ANKS1B: variants seen among roughly 807,000 people sequenced by gnomAD.
ANKS1B encodes the protein ankyrin repeat and sterile alpha motif domain containing 1B.
A neutral mutation model predicts 148.3 loss-of-function variants in ANKS1B; 36 were observed. The ratio of observed to expected loss-of-function variants is 0.24; its 90% CI spans 0.19 to 0.32. The LOEUF is 0.32. Among genes scored for constraint, ANKS1B ranks in the 10% least tolerant of loss-of-function variants. The probability of loss-of-function intolerance (pLI) is 1.00; values close to 1 mark genes in which losing one functional copy is unlikely to be tolerated. For missense variants in ANKS1B, 1,157 were observed against 1,542.6 expected, an observed-to-expected ratio of 0.75 and a Z score of 4.19; for synonymous variants, 542 against 560.8, an observed-to-expected ratio of 0.97 and a Z score of 0.47.
In ANKS1B at chr12:99,497,913, A is replaced by G. The variant is rs76614646; in HGVS notation, c.1438+6563T>C. On this transcript the variant is annotated intron_variant, in intron 10 of 26. Coordinates refer to ENST00000683438, the MANE Select transcript of ANKS1B (RefSeq NM_001352186.2). ...TCATGCAGTTCTTGTATAGAGTAGT[A>G]ATGCCCATTTTGTCTGTAAGCCTAA... Among the ~76,000 whole-genome samples the G allele has an allele frequency of 4.7e-3, 716 of 152,040 alleles. 31 individuals are homozygous for G. The South Asian group carries it at 0.07, about 15-fold the overall frequency.
chr12:99,254,366 T>G (rs1012334917), intron 12 of ANKS1B, among the ~76,000 whole-genome samples: 4 of 152,216 alleles, frequency 2.6e-5, no homozygotes, highest in African/African-American at 7.2e-5. Flanking sequence ...AAGACATTAT[T>G]TGCCCATTTC....
intron 25 of ANKS1B, among the ~76,000 whole-genome samples, chr12:98,765,231 C>G (rs2098464678): frequency 6.6e-6 from 1 of 152,186 alleles, no homozygotes; most frequent in African/African-American, 2.4e-5. Flanking sequence ...ATTATAATCT[C>G]TATTTTACAG....
At position 99,148,843 on chromosome 12, in the gene ANKS1B, AT is replaced by A. The variant is rs897696529; in HGVS notation, c.2526+5445del. Among the ~76,000 whole-genome samples the A allele has an allele frequency of 9.3e-4, 140 of 151,222 alleles. 1 individual carries two copies. The highest frequency in any genetic ancestry group is 2.8e-3 in the African/African-American group (114 of 41,254). Reference sequence around the variant, plus strand: ...TTAAATGCCGGCAGTTGAAAAGGTTATTTTTTTTTCTTTCAAAAGTGGGTTT... The same window carrying A: ...TTAAATGCCGGCAGTTGAAAAGGTTATTTTTTTTCTTTCAAAAGTGGGTTT... On this transcript the variant is annotated intron_variant, in intron 15 of 26. Transcript: ENST00000683438.
chr12:99,172,591 A>C (rs150242817), intron 14 of ANKS1B, among the ~76,000 whole-genome samples: 2 of 152,212 alleles, frequency 1.3e-5, no homozygotes, highest in Non-Finnish European at 2.9e-5. Flanking sequence ...CCTCAGCTGC[A>C]GAAGTCAGAC....
chr12:99,601,515 A>G (rs2097799949), intron 9 of ANKS1B, among the ~76,000 whole-genome samples: 4 of 152,090 alleles, frequency 2.6e-5, no homozygotes, highest in Admixed American at 2.6e-4. Context: ...TATTTTGCAT[A>G]TATAATTGGC....
chr12:99,467,863 C>T (rs1037451917), intron 10 of ANKS1B, among the ~76,000 whole-genome samples: 1 of 152,098 alleles, frequency 6.6e-6, no homozygotes, highest in Non-Finnish European at 1.5e-5. Flanking sequence ...GGCATACTGC[C>T]CAAGGTAATT....
chr12:99,927,542 G>T (rs141751938), intron 1 of ANKS1B, among the ~76,000 whole-genome samples: 214 of 152,274 alleles, frequency 1.4e-3, no homozygotes, highest in African/African-American at 4.7e-3. Flanking sequence ...GTTTTTACAA[G>T]GGACTTATCA....
rs186214678 is a variant in ANKS1B, at chr12:99,582,349, A to T, written c.1272+72718T>A. On this transcript the variant is annotated intron_variant, in intron 9 of 26. Transcript: ENST00000683438. ...GTAATCCCACATCTAGGTATTTTTT[A>T]AAAAAAAAAGACAGAGATGAAAACA... is the stretch of plus-strand genomic sequence containing the variant. Among the ~76,000 whole-genome samples, 1,243 of 149,188 alleles carry T rather than the reference A, an allele frequency of 8.3e-3. 9 individuals are homozygous for T. The highest frequency in any genetic ancestry group is 0.024 in the Middle Eastern group (7 of 290).
intron 17 of ANKS1B, among the ~76,000 whole-genome samples, chr12:98,863,799 A>G (rs57472763): frequency 6.6e-6 from 1 of 152,242 alleles, no homozygotes; most frequent in Admixed American, 6.5e-5. Context: ...AGAGGTAAGG[A>G]AATAGTCCAC....
intron 9 of ANKS1B, among the ~76,000 whole-genome samples, chr12:99,645,934 G>T (rs948666184): frequency 6.6e-6 from 1 of 151,372 alleles, no homozygotes; most frequent in African/African-American, 2.4e-5. Context: ...TGTAGTTTCT[G>T]GCTTCCTTGG....
At chr12:99,523,746 G>T (rs1003095656) in intron 9 of ANKS1B, among the ~76,000 whole-genome samples, 2 of 151,858 alleles carry the variant, frequency 1.3e-5, no homozygotes, top group African/African-American at 4.8e-5. Context: ...TAAAGACAGG[G>T]TCTCACCCTG....
intron 12 of ANKS1B, among the ~76,000 whole-genome samples, chr12:99,369,849 C>CAGATAGATAGAT (rs35658536): frequency 1.1e-3 from 161 of 145,628 alleles, no homozygotes; most frequent in East Asian, 1.4e-3. Context: ...CAGACAGAGA[C>CAGATAGATAGAT]AGATAGATAG....
chr12:98,740,090 A>C (rs2097790643), downstream of ANKS1B, among the ~76,000 whole-genome samples: 2 of 152,026 alleles, frequency 1.3e-5, no homozygotes, highest in African/African-American at 4.8e-5. Flanking sequence ...GGGAGAAAAG[A>C]CCCTGGGCTT....
intron 12 of ANKS1B, among the ~76,000 whole-genome samples, chr12:99,360,086 T>G (rs897853672): frequency 6.6e-6 from 1 of 152,150 alleles, no homozygotes; most frequent in African/African-American, 2.4e-5. Context: ...TACTTTGAAT[T>G]GGAATTTTTG....
chr12:99,202,855 G>A (rs924632654), intron 14 of ANKS1B, among the ~76,000 whole-genome samples: 4 of 152,122 alleles, frequency 2.6e-5, no homozygotes, highest in Admixed American at 6.5e-5. Flanking sequence ...GGGGACACTA[G>A]GACATCTGTA....
intron 12 of ANKS1B, among the ~76,000 whole-genome samples, chr12:99,253,975 AC>A (rs886616471): frequency 1.6e-4 from 24 of 152,352 alleles, no homozygotes; most frequent in African/African-American, 5.5e-4. Flanking sequence ...GGGCCATTCT[AC>A]AAAATAATTG....
chr12:99,489,409 T>C (rs2096534405), intron 10 of ANKS1B, among the ~76,000 whole-genome samples: 1 of 152,188 alleles, frequency 6.6e-6, no homozygotes, highest in East Asian at 1.9e-4. Context: ...TTTCTATATA[T>C]TGAACAAAAT....
At chr12:98,897,738 A>ATTG (rs2099766778) in intron 17 of ANKS1B, among the ~76,000 whole-genome samples, 1 of 152,190 alleles carries the variant, frequency 6.6e-6, no homozygotes, top group African/African-American at 2.4e-5. Context: ...AGGAAAATAA[A>ATTG]TTGTTATATC....
At chr12:98,905,364 C>T (rs1052244974) in intron 17 of ANKS1B, among the ~76,000 whole-genome samples, 8 of 152,122 alleles carry the variant, frequency 5.3e-5, no homozygotes, top group East Asian at 1.9e-4. Flanking sequence ...CTTGTGGTGG[C>T]GCCTGCTTTC....
Sources: allele counts gnomAD v4.1 joint callset (sites outside exome capture counted in the v4.1 genomes callset), GRCh38; gene constraint gnomAD v4.1.1; transcripts MANE v1.5; gene names NCBI Gene and HGNC (gene_info 2026-07-23, HGNC 2026-07-21).